The following VCAN variants were observed in gnomAD, a reference collection of about 807,000 sequenced individuals.
VCAN encodes the protein versican core protein.
A neutral mutation model predicts 245.5 loss-of-function variants in VCAN; 44 were observed. The ratio of observed to expected loss-of-function variants is 0.18; its 90% CI spans 0.14 to 0.23. The LOEUF is 0.23. VCAN is among the 10% of genes least tolerant of loss of function. VCAN has a pLI of 1.00. For missense variants in VCAN, 3,793 were observed against 4,057.9 expected (o/e 0.93, Z 1.77); for synonymous variants, 1,413 against 1,437.0 (o/e 0.98, Z 0.38).
chr5:83,573,674 T>C (rs1003452434), intron 13 of VCAN, among the ~76,000 whole-genome samples: 7 of 152,136 alleles, frequency 4.6e-5, no homozygotes, highest in Non-Finnish European at 7.4e-5. Flanking sequence ...AAAACATACA[T>C]ATATTTTCAA....
chr5:83,542,143 A>G lies in VCAN; in HGVS notation c.9140A>G (p.Asn3047Ser), dbSNP rs2112451387. Residue 3047 changes from asparagine (N) to serine (S), a missense_variant, in exon 8 of 15, where the codon AAC becomes AGC. This residue lies in a region of VCAN where 3,182 missense variants were observed against 3,250.3 expected (regional missense o/e 0.98). Coordinates refer to ENST00000265077, the MANE Select transcript of VCAN (RefSeq NM_004385.5). ...ILDSNDQATV[N>S]PVEFNTEVAT... ...GATTCCAATGATCAGGCAACAGTAA[A>G]CCCTGTGGAATTTAATACTGAGGTT... The G allele has an allele frequency of 6.2e-7, 1 of 1,614,024 alleles. No homozygotes were observed. The highest frequency in any genetic ancestry group is 8.5e-7 in the Non-Finnish European group (1 of 1,179,966).
At position 83,521,226 on chromosome 5, in the gene VCAN, C is replaced by T. The variant is rs780733069; in HGVS notation, c.2920C>T (p.Pro974Ser). ...TTATGTAGACTCTTCCCATACCATT[C>T]CTCTTTCTGTAATTCCCAAGACAGA... ...TTYVDSSHTI[P>S]LSVIPKTDWG... The change falls in exon 7 of 15, where the codon CCT becomes TCT. Residue 974 changes from proline to serine, a missense_variant. Physicochemically the swap from Pro to Ser is moderately conservative, Grantham distance 74. Coordinates refer to ENST00000265077, the MANE Select transcript of VCAN (RefSeq NM_004385.5). The T allele has an allele frequency of 5.6e-6, 9 of 1,614,008 alleles. No individual in the cohort carries two copies. In the South Asian group the frequency reaches 9.9e-5, roughly 18 times the overall value.
intron 13 of VCAN, among the ~76,000 whole-genome samples, chr5:83,574,744 A>C (rs1748412070): frequency 6.6e-6 from 1 of 152,314 alleles, no homozygotes; most frequent in South Asian, 2.1e-4. Flanking sequence ...TTTTATGCTT[A>C]TAAACTATGG....
At chr5:83,524,263 A>G (rs1027586048) in intron 7 of VCAN, among the ~76,000 whole-genome samples, 11 of 152,174 alleles carry the variant, frequency 7.2e-5, no homozygotes, top group Admixed American at 2.6e-4. Context: ...GTGTACATTT[A>G]TAAGTGAGTT....
chr5:83,521,794 A>T lies in VCAN; in HGVS notation c.3488A>T (p.Gln1163Leu). Residue 1163 changes from glutamine to leucine, a missense_variant, in exon 7 of 15, where the codon CAG becomes CTG. By Grantham distance (113) the Gln-to-Leu change is moderately radical. Transcript: ENST00000265077. The part of the protein sequence containing the change: ...SLSPFSTHIT[Q>L]LMEETTTEKT... ...AGTCCTTTTAGTACCCACATTACCCAGCTTATGGAAGAAACCACTACTGAG... is the reference window on the plus strand; with the variant it reads ...AGTCCTTTTAGTACCCACATTACCCTGCTTATGGAAGAAACCACTACTGAG... 6.2e-7 allele frequency: 1 copy of T among 1,614,220 alleles called. No individual in the cohort carries two copies. The highest frequency in any genetic ancestry group is 2.2e-5 in the East Asian group (1 of 44,884).
At chr5:83,473,320 C>G (rs899948877) in intron 1 of VCAN, among the ~76,000 whole-genome samples, 1 of 152,120 alleles carries the variant, frequency 6.6e-6, no homozygotes, top group African/African-American at 2.4e-5. Context: ...ATTTGCTCTC[C>G]AATCCAACTG....
chr5:83,505,688 C>G (rs1197927464), intron 5 of VCAN, among the ~76,000 whole-genome samples: 1 of 152,196 alleles, frequency 6.6e-6, no homozygotes, highest in Non-Finnish European at 1.5e-5. Flanking sequence ...TTTCACAGCT[C>G]CAGTAGGGAG....
At chr5:83,511,026 A>C (rs944542164) in intron 5 of VCAN, among the ~76,000 whole-genome samples, 10 of 152,044 alleles carry the variant, frequency 6.6e-5, no homozygotes, top group African/African-American at 2.4e-4. Context: ...AGGCAGGAGA[A>C]TCGCTTGAAC....
rs754788509 is a variant in VCAN, at chr5:83,539,790, T to C, written c.6787T>C (p.Leu2263=). The C allele has an allele frequency of 1.4e-5, 22 of 1,613,868 alleles. No homozygotes were observed. The highest frequency in any genetic ancestry group is 1.8e-5 in the Non-Finnish European group (21 of 1,180,012). ...TGGACTGGGATCAGGAGAAGAAGTT[T>C]TACCTACTCTACCAACAGAGTCAGT... ...FSGLGSGEEV[L]PTLPTESVNF... Residue 2263 remains leucine (L), a synonymous_variant, in exon 8 of 15, where the codon TTA becomes CTA. Coordinates refer to ENST00000265077, the MANE Select transcript of VCAN (RefSeq NM_004385.5).
At chr5:83,494,002 A>G (rs940227843) in intron 5 of VCAN, 71 bp downstream of exon 5, 1 of 1,608,780 alleles carries the variant, frequency 6.2e-7, no homozygotes, top group Non-Finnish European at 8.5e-7. Context: ...GTTCATTGGA[A>G]TAGAGCAAGT....
At chr5:83,494,743 A>T (rs1470786228) in intron 5 of VCAN, among the ~76,000 whole-genome samples, 1 of 152,234 alleles carries the variant, frequency 6.6e-6, no homozygotes, top group East Asian at 1.9e-4. Context: ...GCTTCAGTTC[A>T]GGAGTTTGAG....
intron 6 of VCAN, among the ~76,000 whole-genome samples, chr5:83,518,710 C>A (rs892440847): frequency 3.3e-5 from 5 of 152,198 alleles, no homozygotes; most frequent in Non-Finnish European, 7.3e-5. Flanking sequence ...ATGTCCAACA[C>A]CTGGGATCAA....
intron 13 of VCAN, among the ~76,000 whole-genome samples, chr5:83,578,266 G>C (rs1748549005): frequency 6.6e-6 from 1 of 152,054 alleles, no homozygotes; most frequent in East Asian, 1.9e-4. Flanking sequence ...TCACTTATAA[G>C]TGAGAGCTAA....
intron 5 of VCAN, among the ~76,000 whole-genome samples, chr5:83,506,446 A>G (rs983168853): frequency 1.3e-5 from 2 of 152,180 alleles, no homozygotes; most frequent in African/African-American, 2.4e-5. Flanking sequence ...CTAAAACATA[A>G]CAAGAGTCAC....
chr5:83,484,133 A>G (rs372558033), intron 2 of VCAN, among the ~76,000 whole-genome samples: 84 of 152,314 alleles, frequency 5.5e-4, no homozygotes, highest in African/African-American at 1.9e-3. Context: ...TATTCAAGGA[A>G]TTTGAAGAAA....
intron 7 of VCAN, among the ~76,000 whole-genome samples, chr5:83,530,474 T>C (rs959954110): frequency 2.6e-5 from 4 of 151,988 alleles, no homozygotes; most frequent in African/African-American, 4.8e-5. Context: ...TTTTGGTGGG[T>C]GAGGGGCGTA....
At chr5:83,522,518 A>G (rs1213911544) in intron 7 of VCAN, among the ~76,000 whole-genome samples, 1 of 152,250 alleles carries the variant, frequency 6.6e-6, no homozygotes, top group Admixed American at 6.5e-5. Flanking sequence ...ATTTTATGTT[A>G]AAAGTCATAA....
rs1746005901 is a variant in VCAN, at chr5:83,519,762, T to A, written c.1456T>A (p.Ser486Thr). Residue 486 changes from serine (S) to threonine (T), a missense_variant, in exon 7 of 15, where the codon TCG becomes ACG. Physicochemically the swap from Ser to Thr is moderately conservative, Grantham distance 58. This residue lies in a region of VCAN where 3,182 missense variants were observed against 3,250.3 expected (regional missense o/e 0.98). Coordinates refer to ENST00000265077, the MANE Select transcript of VCAN (RefSeq NM_004385.5). Reference sequence around the variant, plus strand: ...CGTGGAAGATAAACAAACACAAGAATCGGTTACACAGATTGAACAAATAGA... The same window carrying A: ...CGTGGAAGATAAACAAACACAAGAAACGGTTACACAGATTGAACAAATAGA... ...GVVEDKQTQE[S>T]VTQIEQIEVG... is the part of the protein sequence containing the mutation. 1.2e-6 allele frequency: 2 copies of A among 1,614,116 alleles called. No homozygotes were observed. Among genetic ancestry groups the A allele is most frequent in the East Asian group, 4.5e-5 (2 of 44,882 alleles).
chr5:83,576,232 C>A (rs530346373), intron 13 of VCAN, among the ~76,000 whole-genome samples: 1 of 152,072 alleles, frequency 6.6e-6, no homozygotes, highest in Non-Finnish European at 1.5e-5. Flanking sequence ...TTGCTTTTCC[C>A]TTTTCTATTA....
Sources: allele counts gnomAD v4.1 joint callset (sites outside exome capture counted in the v4.1 genomes callset), GRCh38; gene constraint gnomAD v4.1.1; regional missense constraint gnomAD v4.1.1; transcripts MANE v1.5; gene names NCBI Gene and HGNC (gene_info 2026-07-23, HGNC 2026-07-21).